CTNNA2: variants seen among roughly 807,000 people sequenced by gnomAD.
CTNNA2 encodes catenin alpha-2.
Under a neutral mutation model 101.0 loss-of-function variants are expected in CTNNA2, and 42 were observed. The observed-to-expected ratio is 0.42, with a 90% CI of 0.32 to 0.54. CTNNA2 has a LOEUF of 0.54. Among genes scored for constraint, CTNNA2 ranks in the 20% least tolerant of loss-of-function variants. The pLI, the probability that CTNNA2 is intolerant of heterozygous loss-of-function variation, is 0.14. For missense variants in CTNNA2, 871 were observed against 1,223.1 expected (o/e 0.71, Z 4.29); for synonymous variants, 450 against 456.4 (o/e 0.99, Z 0.18).
chr2:80,566,454 G>A (rs1451140750), intron 12 of CTNNA2, among the ~76,000 whole-genome samples: 1 of 152,148 alleles, frequency 6.6e-6, no homozygotes, highest in Non-Finnish European at 1.5e-5. Flanking sequence ...AAATACATGA[G>A]GATAGGAGAG....
chr2:80,000,292 C>A (rs1250450601), intron 7 of CTNNA2, among the ~76,000 whole-genome samples: 1 of 152,138 alleles, frequency 6.6e-6, no homozygotes, highest in Non-Finnish European at 1.5e-5. Context: ...TATAACATTG[C>A]ACACTGGTCT....
At chr2:80,594,563 G>A (rs1415693607) in intron 15 of CTNNA2, among the ~76,000 whole-genome samples, 1 of 151,422 alleles carries the variant, frequency 6.6e-6, no homozygotes, top group African/African-American at 2.4e-5. Context: ...GGTGTCATAT[G>A]CAAGAAATTA....
intron 4 of CTNNA2, among the ~76,000 whole-genome samples, chr2:79,472,356 G>A (rs953387971): frequency 1.3e-5 from 2 of 152,164 alleles, no homozygotes; most frequent in Non-Finnish European, 2.9e-5. Context: ...TGTCTGCCAG[G>A]TGGCCTACTC....
chr2:79,589,219 C>T (rs1232053828), intron 1 of CTNNA2, among the ~76,000 whole-genome samples: 2 of 152,104 alleles, frequency 1.3e-5, no homozygotes, highest in African/African-American at 4.8e-5. Context: ...ACCAGCAGGC[C>T]AAGGCAGTCC....
At chr2:80,353,181 G>C (rs566481980) in intron 7 of CTNNA2, among the ~76,000 whole-genome samples, 3 of 152,104 alleles carry the variant, frequency 2.0e-5, no homozygotes, top group Non-Finnish European at 2.9e-5. Context: ...TTTAGATTTA[G>C]ATTTAGATTC....
chr2:80,190,457 A>AC (rs1275964419), intron 7 of CTNNA2, among the ~76,000 whole-genome samples: 2 of 152,010 alleles, frequency 1.3e-5, no homozygotes, highest in Non-Finnish European at 2.9e-5. Flanking sequence ...ACCTTCATTT[A>AC]CCCCAAAACT....
chr2:80,626,646 A>C (rs1303394206), intron 18 of CTNNA2, among the ~76,000 whole-genome samples: 1 of 152,148 alleles, frequency 6.6e-6, no homozygotes, highest in African/African-American at 2.4e-5. Context: ...AAGAATAAGA[A>C]TTAAATTACC....
chr2:80,154,003 G>C (rs1703858703), intron 7 of CTNNA2, among the ~76,000 whole-genome samples: 1 of 152,272 alleles, frequency 6.6e-6, no homozygotes. Context: ...ATCACAAGGA[G>C]AAAATACTAG....
chr2:79,510,969 C>A (rs747765040), upstream of CTNNA2, among the ~76,000 whole-genome samples: 2 of 152,106 alleles, frequency 1.3e-5, no homozygotes, highest in Non-Finnish European at 2.9e-5. Flanking sequence ...AGCCTAATTA[C>A]AACAATACAA....
chr2:79,220,078 T>G (rs1368959), intron 2 of CTNNA2, among the ~76,000 whole-genome samples: 124,960 of 152,006 alleles, frequency 0.82, 51,779 homozygotes, highest in East Asian at 0.99. Context: ...TAGTATATTT[T>G]GCACTTTCTT....
At position 80,545,940 on chromosome 2, in the gene CTNNA2, C is replaced by G. The variant is rs565385881; in HGVS notation, c.1417C>G (p.Pro473Ala). 1.9e-6 allele frequency: 3 copies of G among 1,614,080 alleles called. No homozygotes were observed. In the African/African-American group the frequency reaches 4.0e-5, roughly 22 times the overall value. The change falls in exon 11 of 19, where the codon CCA becomes GCA. Residue 473 changes from proline to alanine, a missense_variant. Around this residue, in one of 5 missense-constraint regions of CTNNA2, gnomAD observed 647 missense variants for 831.5 expected, o/e 0.78. Coordinates refer to ENST00000402739, the MANE Select transcript of CTNNA2 (RefSeq NM_001282597.3). ...INAALTLAAR[P>A]QSKVAQDNMD... The stretch of plus-strand genomic sequence containing the variant: ...TGCCGCTCTGACACTGGCTGCCCGG[C>G]CACAGAGCAAAGTTGCTCAGGATAA...
intron 1 of CTNNA2, among the ~76,000 whole-genome samples, chr2:79,590,638 G>T (rs1344344476): frequency 6.6e-6 from 1 of 151,908 alleles, no homozygotes; most frequent in Non-Finnish European, 1.5e-5. Flanking sequence ...CATCAGATTT[G>T]CTGTGTTAGG....
intron 7 of CTNNA2, among the ~76,000 whole-genome samples, chr2:79,926,472 G>A (rs1158260768): frequency 6.6e-6 from 1 of 151,944 alleles, no homozygotes; most frequent in Non-Finnish European, 1.5e-5. Context: ...AGATGAACTG[G>A]AGGCCTTTTC....
chr2:80,570,953 TC>T (rs1694534872), intron 12 of CTNNA2, among the ~76,000 whole-genome samples: 1 of 152,014 alleles, frequency 6.6e-6, no homozygotes, highest in African/African-American at 2.4e-5. Context: ...CCCTATGAAG[TC>T]CATTTAGGTT....
intron 9 of CTNNA2, among the ~76,000 whole-genome samples, chr2:80,529,838 G>T (rs1690374552): frequency 6.6e-6 from 1 of 152,112 alleles, no homozygotes; most frequent in African/African-American, 2.4e-5. Context: ...TCAGCGAGGG[G>T]GGTAAAAATG....
At chr2:79,221,844 G>C (rs1674349244) in intron 2 of CTNNA2, among the ~76,000 whole-genome samples, 3 of 152,122 alleles carry the variant, frequency 2.0e-5, no homozygotes, top group Admixed American at 2.0e-4. Flanking sequence ...TTGAATGTGA[G>C]AACCTCTCTA....
chr2:79,337,714 T>C (rs909816938), intron 3 of CTNNA2, among the ~76,000 whole-genome samples: 8 of 152,198 alleles, frequency 5.3e-5, no homozygotes, highest in African/African-American at 1.4e-4. Flanking sequence ...AAGTATTTAC[T>C]GTCTGCTCTG....
At chr2:79,288,680 T>G (rs1299539255) in intron 2 of CTNNA2, among the ~76,000 whole-genome samples, 1 of 152,208 alleles carries the variant, frequency 6.6e-6, no homozygotes, top group Middle Eastern at 3.2e-3. Flanking sequence ...GAGTTCCAAC[T>G]GCTGTTTTTC....
chr2:80,535,106 A>G (rs1690892705), intron 9 of CTNNA2, among the ~76,000 whole-genome samples: 2 of 152,206 alleles, frequency 1.3e-5, no homozygotes, highest in Non-Finnish European at 2.9e-5. Flanking sequence ...ACTAAGGGGT[A>G]AACTACGCAA....
Sources: gnomAD v4.1 joint callset for allele counts (sites outside exome capture counted in the v4.1 genomes callset) on GRCh38, gnomAD v4.1.1 for gene constraint, gnomAD v4.1.1 regional missense constraint, MANE v1.5 for transcripts, NCBI Gene and HGNC (gene_info 2026-07-23, HGNC 2026-07-21) for gene names.